SNTG1: variants seen among roughly 807,000 people sequenced by gnomAD.
SNTG1 encodes the protein syntrophin gamma 1.
A neutral mutation model predicts 74.7 loss-of-function variants in SNTG1; 39 were observed. The observed-to-expected ratio is 0.52, with a 90% CI of 0.40 to 0.68. The LOEUF is 0.68. SNTG1 is among the 30% of genes least tolerant of loss of function. The pLI, the probability that SNTG1 is intolerant of heterozygous loss-of-function variation, is 0.00. For synonymous variants in SNTG1, 254 were observed against 217.1 expected, an observed-to-expected ratio of 1.17 and a Z score of -1.49; for missense variants, 685 against 609.5, an observed-to-expected ratio of 1.12 and a Z score of -1.30.
chr8:49,979,505 A>C (rs1254172147), intron 1 of SNTG1, among the ~76,000 whole-genome samples: 1 of 151,952 alleles, frequency 6.6e-6, no homozygotes, highest in Non-Finnish European at 1.5e-5. Flanking sequence ...CAACCTTTGC[A>C]CTTCCCCCCG....
At chr8:50,635,359 G>T (rs28503475) in intron 13 of SNTG1, among the ~76,000 whole-genome samples, 228 of 152,256 alleles carry the variant, frequency 1.5e-3, no homozygotes, top group African/African-American at 5.3e-3. Flanking sequence ...AGCCAGCCTT[G>T]TGTCTTTCCC....
chr8:50,452,396 C>A (rs1489526573), intron 8 of SNTG1, among the ~76,000 whole-genome samples: 2 of 152,188 alleles, frequency 1.3e-5, no homozygotes, highest in Non-Finnish European at 2.9e-5. Flanking sequence ...GTCACATAAG[C>A]AAAGCTGCTT....
chr8:49,936,834 A>C (rs1034948159), intron 1 of SNTG1, among the ~76,000 whole-genome samples: 2 of 152,212 alleles, frequency 1.3e-5, no homozygotes, highest in African/African-American at 4.8e-5. Context: ...TGATACATGC[A>C]TCAACCTAGA....
intron 1 of SNTG1, among the ~76,000 whole-genome samples, chr8:50,005,753 A>G (rs1815160768): frequency 6.6e-6 from 1 of 151,810 alleles, no homozygotes; most frequent in Non-Finnish European, 1.5e-5. Context: ...GCTGATGTGA[A>G]TATTGCCTAT....
intron 1 of SNTG1, among the ~76,000 whole-genome samples, chr8:50,167,313 AAAAAT>A (rs1447186585): frequency 7.4e-5 from 11 of 148,794 alleles, no homozygotes; most frequent in East Asian, 1.9e-4. Context: ...TAAAAATAAA[AAAAAT>A]AAAATAAAAT....
chr8:49,981,077 A>G (rs771328157), intron 1 of SNTG1, among the ~76,000 whole-genome samples: 2 of 152,188 alleles, frequency 1.3e-5, no homozygotes, highest in African/African-American at 2.4e-5. Flanking sequence ...TCTAACATCT[A>G]TACAGACTAG....
intron 13 of SNTG1, among the ~76,000 whole-genome samples, chr8:50,597,362 CATATACAT>C (rs760238169): frequency 0.035 from 4,299 of 124,314 alleles, 110 homozygotes; most frequent in African/African-American, 0.061. Context: ...TATATATACA[CATATACAT>C]GTATATATAC....
intron 2 of SNTG1, among the ~76,000 whole-genome samples, chr8:50,221,675 A>AT (rs1409974866): frequency 6.6e-6 from 1 of 152,108 alleles, no homozygotes; most frequent in Non-Finnish European, 1.5e-5. Context: ...TAAAAAATAT[A>AT]TTTTTTATTG....
intron 1 of SNTG1, among the ~76,000 whole-genome samples, chr8:50,031,956 T>C (rs545545964): frequency 5.8e-4 from 89 of 152,160 alleles, no homozygotes; most frequent in Middle Eastern, 3.2e-3. Context: ...GTTTTAATTA[T>C]AAATTTAATT....
chr8:50,351,782 G>A (rs943232033), intron 2 of SNTG1, among the ~76,000 whole-genome samples: 1 of 152,166 alleles, frequency 6.6e-6, no homozygotes, highest in African/African-American at 2.4e-5. Context: ...AAATTCTGGA[G>A]TAATTGGCTG....
At chr8:50,565,738 C>G (rs2094512999) in intron 12 of SNTG1, among the ~76,000 whole-genome samples, 1 of 151,868 alleles carries the variant, frequency 6.6e-6, no homozygotes, top group South Asian at 2.1e-4. Context: ...CAAATTAGCA[C>G]ATAAGCAAAT....
At chr8:50,369,715 C>T (rs2092221742) in intron 2 of SNTG1, among the ~76,000 whole-genome samples, 1 of 152,084 alleles carries the variant, frequency 6.6e-6, no homozygotes, top group African/African-American at 2.4e-5. Flanking sequence ...CACCAGAAAC[C>T]AAAGCCCACT....
intron 1 of SNTG1, among the ~76,000 whole-genome samples, chr8:50,045,881 T>C (rs190093723): frequency 6.6e-6 from 1 of 152,310 alleles, no homozygotes; most frequent in East Asian, 1.9e-4. Context: ...TCAGTTGTAC[T>C]GGCCACCAAA....
At chr8:49,972,130 A>T (rs181234547) in intron 1 of SNTG1, among the ~76,000 whole-genome samples, 3 of 152,330 alleles carry the variant, frequency 2.0e-5, no homozygotes, top group Admixed American at 6.5e-5. Flanking sequence ...ACAAGGCCAC[A>T]GTAACCAAAA....
At chr8:50,428,649 G>C (rs947997340) in intron 4 of SNTG1, among the ~76,000 whole-genome samples, 6 of 152,238 alleles carry the variant, frequency 3.9e-5, no homozygotes, top group African/African-American at 1.4e-4. Flanking sequence ...CACTACACCT[G>C]TAGCAAGAGA....
intron 9 of SNTG1, among the ~76,000 whole-genome samples, chr8:50,509,897 A>G (rs2094050388): frequency 6.6e-6 from 1 of 152,188 alleles, no homozygotes; most frequent in African/African-American, 2.4e-5. Flanking sequence ...TCCTAATTGA[A>G]TACCCTTTAT....
At chr8:50,266,690 A>G (rs957961107) in intron 2 of SNTG1, among the ~76,000 whole-genome samples, 121 of 129,502 alleles carry the variant, frequency 9.3e-4, no homozygotes, top group African/African-American at 3.2e-3. Context: ...GTGTGTATAT[A>G]TATATATATG....
At chr8:50,748,378 A>G (rs2095559853) in intron 17 of SNTG1, among the ~76,000 whole-genome samples, 2 of 152,042 alleles carry the variant, frequency 1.3e-5, no homozygotes, top group South Asian at 2.1e-4. Context: ...CTTTCTCATT[A>G]GAAACTCTGC....
intron 1 of SNTG1, among the ~76,000 whole-genome samples, chr8:49,980,726 CT>C (rs1812604374): frequency 6.6e-6 from 1 of 151,676 alleles, no homozygotes; most frequent in African/African-American, 2.4e-5. Flanking sequence ...ATTTCAGGTA[CT>C]TTTGATAATG....
Sources: allele counts gnomAD v4.1 joint callset (sites outside exome capture counted in the v4.1 genomes callset), GRCh38; gene constraint gnomAD v4.1.1; transcripts MANE v1.5; gene names NCBI Gene and HGNC (gene_info 2026-07-23, HGNC 2026-07-21).